PJA2: variants seen among roughly 807,000 people sequenced by gnomAD.
PJA2 encodes the protein E3 ubiquitin-protein ligase Praja-2.
PJA2 carries 25 observed loss-of-function variants against 69.3 expected under a neutral mutation model. The observed-to-expected ratio is 0.36, with a 90% CI of 0.26 to 0.50. The LOEUF (loss-of-function observed/expected upper bound fraction) is 0.50. Ranked by LOEUF, PJA2 falls within the 20% of genes least tolerant of loss-of-function variation. The probability of loss-of-function intolerance (pLI) is 0.96; values close to 1 mark genes in which losing one functional copy is unlikely to be tolerated. For missense variants in PJA2, 809 were observed against 830.2 expected, an observed-to-expected ratio of 0.97 and a Z score of 0.31; for synonymous variants, 308 against 277.8, an observed-to-expected ratio of 1.11 and a Z score of -1.08.
At chr5:109,393,411 A>C (rs896008400) in intron 1 of PJA2, among the ~76,000 whole-genome samples, 1 of 152,226 alleles carries the variant, frequency 6.6e-6, no homozygotes, top group Non-Finnish European at 1.5e-5. Flanking sequence ...TCATCTCAGA[A>C]AACTTTTTGG....
chr5:109,380,804 CAAAAAAAAAAA>C (rs34675958), intron 3 of PJA2, among the ~76,000 whole-genome samples: 1 of 88,732 alleles, frequency 1.1e-5, no homozygotes, highest in African/African-American at 4.9e-5. Flanking sequence ...GATTCCATCT[CAAAAAAAAAAA>C]AAAAAAAAGA....
rs1300358987 is a variant in PJA2 at position 109,336,772 on chromosome 5, A to T, written c.*459T>A. The T allele has an allele frequency of 1.3e-5, 2 of 152,412 alleles. No individual in the cohort carries two copies. Among genetic ancestry groups the T allele is most frequent in the Admixed American group, 1.3e-4 (2 of 15,286 alleles). 9.4% of individuals were successfully genotyped at this position (152,412 alleles called of 1,614,324 possible). The stretch of plus-strand genomic sequence containing the variant: ...GAACCAAGAGGTTATGATATAGCAA[A>T]ATCAAAGGGACTAGTGAAAAAGCAT... On this transcript the variant is annotated 3_prime_UTR_variant, in exon 10 of 10. Coordinates refer to ENST00000361189, the MANE Select transcript of PJA2 (RefSeq NM_014819.5).
chr5:109,383,402 C>A lies in PJA2; in HGVS notation c.31+1G>T. 6.2e-7 allele frequency: 1 copy of A among 1,613,226 alleles called. No homozygotes were observed. The highest frequency in any genetic ancestry group is 8.5e-7 in the Non-Finnish European group (1 of 1,179,462). ...AATGTAGAAGAACTGACTTTCCTTA[C>A]CTGCTGGCTCCTTTTCAGTGTACTG... is the stretch of plus-strand genomic sequence containing the variant. On this transcript the variant is annotated splice_donor_variant, in intron 2 of 9. Coordinates refer to ENST00000361189, the MANE Select transcript of PJA2 (RefSeq NM_014819.5). LOFTEE classifies it high-confidence loss of function.
intron 5 of PJA2, among the ~76,000 whole-genome samples, chr5:109,365,593 A>AG (rs1561351187): frequency 6.6e-6 from 1 of 151,452 alleles, no homozygotes; most frequent in African/African-American, 2.4e-5. Context: ...TTTTTTTTTT[A>AG]AAACAACTGT....
chr5:109,386,331 G>C (rs1382713701), intron 1 of PJA2, among the ~76,000 whole-genome samples: 2 of 152,142 alleles, frequency 1.3e-5, no homozygotes, highest in Non-Finnish European at 2.9e-5. Flanking sequence ...TGACCACTTA[G>C]CAACATGGAG....
chr5:109,404,818 T>C (rs1747645377), intron 1 of PJA2, among the ~76,000 whole-genome samples: 1 of 152,192 alleles, frequency 6.6e-6, no homozygotes, highest in Non-Finnish European at 1.5e-5. Context: ...ACATAAGCAT[T>C]CAAGCTATAG....
intron 4 of PJA2, among the ~76,000 whole-genome samples, chr5:109,369,428 C>T (rs1433743450): frequency 1.3e-5 from 2 of 152,166 alleles, no homozygotes; most frequent in African/African-American, 2.4e-5. Flanking sequence ...TAGATAGGGG[C>T]TTGTCATATT....
At chr5:109,340,969 T>C (rs1272813357) in intron 9 of PJA2, among the ~76,000 whole-genome samples, 1 of 135,350 alleles carries the variant, frequency 7.4e-6, no homozygotes, top group Non-Finnish European at 1.7e-5. Context: ...TGGAGTGCAG[T>C]GGCGTGATCT....
rs1314856090 is a variant in PJA2, at chr5:109,335,535, G to GT, written c.*1695dup. On this transcript the variant is annotated 3_prime_UTR_variant, in exon 10 of 10. Coordinates refer to ENST00000361189, the MANE Select transcript of PJA2 (RefSeq NM_014819.5). ...ATCTTTAGCAACGTAAGTTTAACCA[G>GT]TAAGTGTCACAACTGATCAACAGTA... The GT allele has an allele frequency of 6.6e-6, 1 of 152,066 alleles. No homozygotes were observed. The allele number at this position is 152,066 out of a possible 1,614,324, so 9.4% of individuals were successfully genotyped here.
At chr5:109,385,050 C>T (rs1217664621) in intron 1 of PJA2, among the ~76,000 whole-genome samples, 2 of 152,124 alleles carry the variant, frequency 1.3e-5, no homozygotes, top group South Asian at 2.1e-4. Context: ...CTCCTGACCA[C>T]GTGATCCACC....
rs376059050 is a variant in PJA2, at chr5:109,362,916, G to T, written c.1576C>A (p.Pro526Thr). The change falls in exon 6 of 10, where the codon CCA (proline) becomes ACA (threonine). Residue 526 changes from proline (P) to threonine (T), a missense_variant. This residue lies in a region of PJA2 where 700 missense variants were observed against 639.5 expected (regional missense o/e 1.09). Coordinates refer to ENST00000361189, the MANE Select transcript of PJA2 (RefSeq NM_014819.5). ...GNEPANEFAQ[P>T]AFMLDGNNNL... ...TTGTTACCATCCAACATGAAAGCTG[G>T]CTGTGCAAATTCATTGGCAGGTTCA... 1.2e-6 allele frequency: 2 copies of T among 1,613,662 alleles called. No homozygotes were observed. The highest frequency in any genetic ancestry group is 1.7e-6 in the Non-Finnish European group (2 of 1,179,712).
rs1344998090 is a variant in PJA2 at position 109,376,247 on chromosome 5, T to C, written c.1283+1957A>G. The stretch of plus-strand genomic sequence containing the variant: ...CTGTAAATGTTTTTTCCCATCTATA[T>C]ATTGTTTGTAAAAAAAAAAAAAAAA... On this transcript the variant is annotated intron_variant, in intron 4 of 9. Transcript: ENST00000361189. Among the ~76,000 whole-genome samples the C allele has an allele frequency of 7.7e-5, 5 of 65,062 alleles. No homozygotes were observed. The East Asian group carries it at 1.3e-3, about 17-fold the overall frequency. 42.7% of individuals were successfully genotyped at this position (65,062 alleles called of 152,430 possible).
intron 6 of PJA2, among the ~76,000 whole-genome samples, chr5:109,362,432 G>T (rs1200947469): frequency 1.3e-5 from 2 of 152,138 alleles, no homozygotes; most frequent in African/African-American, 4.8e-5. Flanking sequence ...GGAAAAGGAA[G>T]AATAGGGAAG....
At chr5:109,384,625 CAG>C (rs1301382549) in intron 1 of PJA2, among the ~76,000 whole-genome samples, 3 of 152,034 alleles carry the variant, frequency 2.0e-5, no homozygotes, top group South Asian at 4.1e-4. Context: ...TAATCACAGA[CAG>C]ATATATATTA....
intron 9 of PJA2, among the ~76,000 whole-genome samples, chr5:109,340,025 G>C (rs1762014241): frequency 6.6e-6 from 1 of 152,180 alleles, no homozygotes. Context: ...AGTCTCATGA[G>C]ACTTGAGACA....
At chr5:109,345,074 G>A (rs1762150818) in intron 7 of PJA2, among the ~76,000 whole-genome samples, 2 of 151,258 alleles carry the variant, frequency 1.3e-5, no homozygotes, top group South Asian at 4.2e-4. Context: ...CGGGCGCAAT[G>A]GCTCATGCCT....
intron 7 of PJA2, among the ~76,000 whole-genome samples, chr5:109,353,579 T>A (rs1297364784): frequency 6.9e-6 from 1 of 145,224 alleles, no homozygotes; most frequent in Non-Finnish European, 1.5e-5. Flanking sequence ...ATCATAGACA[T>A]CTATATATTA....
chr5:109,361,751 T>C (rs928654972), intron 6 of PJA2, among the ~76,000 whole-genome samples: 1 of 152,172 alleles, frequency 6.6e-6, no homozygotes, highest in Non-Finnish European at 1.5e-5. Flanking sequence ...GAAATACAAA[T>C]TGCATGGCTG....
At chr5:109,352,578 C>G (rs1762271282) in intron 7 of PJA2, among the ~76,000 whole-genome samples, 1 of 152,044 alleles carries the variant, frequency 6.6e-6, no homozygotes, top group African/African-American at 2.4e-5. Flanking sequence ...TCATGATGTT[C>G]TTTCTGACTT....
Sources: allele counts gnomAD v4.1 joint callset (sites outside exome capture counted in the v4.1 genomes callset), GRCh38; gene constraint gnomAD v4.1.1; regional missense constraint gnomAD v4.1.1; transcripts MANE v1.5; gene names NCBI Gene and HGNC (gene_info 2026-07-23, HGNC 2026-07-21).